DACH1: variants seen among roughly 807,000 people sequenced by gnomAD.
DACH1 encodes dachshund family transcription factor 1, also known as dachshund homolog 1.
Under a neutral mutation model 54.2 loss-of-function variants are expected in DACH1, and 12 were observed. The observed-to-expected ratio is 0.22, with a 90% CI of 0.14 to 0.36. The LOEUF (loss-of-function observed/expected upper bound fraction) is 0.36, where lower values mean the gene tolerates loss of function less well. Ranked by LOEUF, DACH1 falls within the 10% of genes least tolerant of loss-of-function variation. DACH1 has a pLI of 1.00. For missense variants in DACH1, 805 were observed against 929.8 expected (o/e 0.87, Z 1.75); for synonymous variants, 386 against 366.2 (o/e 1.05, Z -0.62).
intron 3 of DACH1, among the ~76,000 whole-genome samples, chr13:71,607,058 C>A (rs1874931825): frequency 6.6e-6 from 1 of 151,868 alleles, no homozygotes; most frequent in South Asian, 2.1e-4. Flanking sequence ...TACCTTTATT[C>A]CACTTTCAAA....
chr13:71,618,207 C>A (rs995901742), intron 3 of DACH1, among the ~76,000 whole-genome samples: 1 of 151,980 alleles, frequency 6.6e-6, no homozygotes, highest in African/African-American at 2.4e-5. Flanking sequence ...AAAAGTGAAG[C>A]CATTTCTTAT....
intron 1 of DACH1, among the ~76,000 whole-genome samples, chr13:71,820,108 A>AAG (rs1888126975): frequency 7.0e-6 from 1 of 143,714 alleles, no homozygotes; most frequent in Non-Finnish European, 1.5e-5. Context: ...CTCTACCGAA[A>AAG]AAAAAAAAAA....
intron 3 of DACH1, among the ~76,000 whole-genome samples, chr13:71,588,506 C>T (rs1371510998): frequency 6.6e-6 from 1 of 152,002 alleles, no homozygotes; most frequent in East Asian, 1.9e-4. Context: ...GATTTTTTAA[C>T]TTTGATTAAA....
At chr13:71,475,015 C>G in intron 10 of DACH1, 126 bp downstream of exon 10, 1 of 762,652 alleles carries the variant, frequency 1.3e-6, no homozygotes, top group Non-Finnish European at 2.2e-6. Context: ...GCAAGATGAA[C>G]TTGACCTTGT....
chr13:71,790,799 T>G (rs1489435511), intron 1 of DACH1, among the ~76,000 whole-genome samples: 1 of 152,226 alleles, frequency 6.6e-6, no homozygotes, highest in Non-Finnish European at 1.5e-5. Flanking sequence ...TTATTTTTAT[T>G]TCTTGCTTTG....
chr13:71,855,988 A>G (rs1362714652), intron 1 of DACH1, among the ~76,000 whole-genome samples: 1 of 151,958 alleles, frequency 6.6e-6, no homozygotes. Flanking sequence ...ATTTTGTTTT[A>G]AAAAGTAACA....
chr13:71,660,765 T>C (rs1380667156), intron 2 of DACH1, among the ~76,000 whole-genome samples: 1 of 151,892 alleles, frequency 6.6e-6, no homozygotes, highest in Non-Finnish European at 1.5e-5. Flanking sequence ...TTAGGAATTA[T>C]AGTTAACTCC....
intron 1 of DACH1, among the ~76,000 whole-genome samples, chr13:71,717,599 T>A (rs1027422691): frequency 6.6e-6 from 1 of 152,048 alleles, no homozygotes; most frequent in Non-Finnish European, 1.5e-5. Flanking sequence ...CACATTTTTA[T>A]GTTTTTTCGT....
Position 71,772,938 on chromosome 13 carries a change from C to T in DACH1, c.849-91028G>A, listed in dbSNP as rs975317659. On this transcript the variant is annotated intron_variant, in intron 1 of 10. Transcript: ENST00000613252. ...TGTTTACAAAAGCAAAATGTTGTTT[C>T]GATATAACTATAATAACAAAATATG... is the stretch of plus-strand genomic sequence containing the variant. 7.9e-5 allele frequency among the ~76,000 whole-genome samples: 12 copies of T among 151,740 alleles called. No individual in the cohort carries two copies. The East Asian group carries it at 9.7e-4, about 12-fold the overall frequency.
Position 71,529,546 on chromosome 13 carries a change from C to G in DACH1, c.1570+27478G>C, listed in dbSNP as rs12864870. 2.0e-5 allele frequency among the ~76,000 whole-genome samples: 3 copies of G among 152,124 alleles called. No homozygotes were observed. In the East Asian group the frequency reaches 5.8e-4, roughly 29 times the overall value. On this transcript the variant is annotated intron_variant, in intron 6 of 10. Coordinates refer to ENST00000613252, the MANE Select transcript of DACH1 (RefSeq NM_080759.6). The stretch of plus-strand genomic sequence containing the variant: ...GTAGATGTGGCAACTGCAATGTGGA[C>G]CCAGGTTCACCTGCCACCAGGCCTC...
chr13:71,464,516 A>G, intron 10 of DACH1: 1 of 385,680 alleles, frequency 2.6e-6, no homozygotes, highest in East Asian at 7.4e-5. Flanking sequence ...TAAATATTTC[A>G]TTAGCTCTTA....
At chr13:71,495,335 A>C (rs1593785699) in intron 6 of DACH1, among the ~76,000 whole-genome samples, 1 of 152,160 alleles carries the variant, frequency 6.6e-6, no homozygotes, top group Admixed American at 6.5e-5. Context: ...AGAATAAAAT[A>C]GTTTCCATAC....
At position 71,467,169 on chromosome 13, in the gene DACH1, A is replaced by G. The variant is rs549000175; in HGVS notation, c.2083+7972T>C. On this transcript the variant is annotated intron_variant, in intron 10 of 10. Coordinates refer to ENST00000613252, the MANE Select transcript of DACH1 (RefSeq NM_080759.6). ...TTTATGTAAGAAGTAATTTCCCACA[A>G]AAACCCACAAGAGGCCTTCAGCATT... Among the ~76,000 whole-genome samples, 227 of 152,108 alleles carry G rather than the reference A, an allele frequency of 1.5e-3. 2 individuals carry two copies. The highest frequency in any genetic ancestry group is 2.8e-3 in the Non-Finnish European group (188 of 67,988).
At chr13:71,440,839 A>C (rs1167614590) in intron 10 of DACH1, 147 bp from the exon 11 acceptor site, 4 of 602,882 alleles carry the variant, frequency 6.6e-6, no homozygotes, top group Non-Finnish European at 1.1e-5. Context: ...ATCTTCTCAA[A>C]GTTAAGTTAA....
At chr13:71,547,586 C>A (rs1233328579) in intron 6 of DACH1, among the ~76,000 whole-genome samples, 1 of 152,064 alleles carries the variant, frequency 6.6e-6, no homozygotes, top group Non-Finnish European at 1.5e-5. Flanking sequence ...ACATACCTCT[C>A]TAGGAATAAT....
chr13:71,548,783 G>A (rs968455111), intron 6 of DACH1, among the ~76,000 whole-genome samples: 2 of 152,014 alleles, frequency 1.3e-5, no homozygotes, highest in African/African-American at 4.8e-5. Context: ...CGGTGTGGTG[G>A]CGTGTGCTTG....
intron 1 of DACH1, among the ~76,000 whole-genome samples, chr13:71,777,482 C>T (rs969397154): frequency 6.6e-6 from 1 of 152,084 alleles, no homozygotes; most frequent in African/African-American, 2.4e-5. Context: ...TTCCCCTCTT[C>T]TAGAAACTCA....
At chr13:71,861,134 T>C (rs1415233848) in intron 1 of DACH1, among the ~76,000 whole-genome samples, 1 of 150,434 alleles carries the variant, frequency 6.6e-6, no homozygotes, top group Admixed American at 6.6e-5. Flanking sequence ...AATAGAATAA[T>C]CCAAAAAAAA....
intron 6 of DACH1, among the ~76,000 whole-genome samples, chr13:71,496,306 TAC>T (rs1555287656): frequency 1.5e-4 from 7 of 46,114 alleles, no homozygotes; most frequent in African/African-American, 4.1e-4. Flanking sequence ...TATATATATA[TAC>T]ACACACAAAA....
Sources: allele counts gnomAD v4.1 joint callset (sites outside exome capture counted in the v4.1 genomes callset), GRCh38; gene constraint gnomAD v4.1.1; transcripts MANE v1.5; gene names NCBI Gene and HGNC (gene_info 2026-07-23, HGNC 2026-07-21).